TRHDE: variants seen among roughly 807,000 people sequenced by gnomAD.
TRHDE encodes the protein thyrotropin releasing hormone degrading enzyme, also known as thyrotropin-releasing hormone-degrading ectoenzyme.
In TRHDE, 72 loss-of-function variants were observed where a neutral mutation model predicts 125.7. The ratio of observed to expected loss-of-function variants is 0.57; its 90% CI spans 0.47 to 0.70. The LOEUF is 0.70. Among genes scored for constraint, TRHDE ranks in the 30% least tolerant of loss-of-function variants. The pLI is 0.00. For missense variants in TRHDE, 1,110 were observed against 1,327.1 expected (o/e 0.84, Z 2.54); for synonymous variants, 509 against 509.1 (o/e 1.00, Z 0.00).
At chr12:72,229,817 T>A (rs1164946964) in intron 2 of TRHDE, among the ~76,000 whole-genome samples, 1 of 152,084 alleles carries the variant, frequency 6.6e-6, no homozygotes, top group Non-Finnish European at 1.5e-5. Context: ...AGTGGAAAAC[T>A]CCCTAATGCA....
intron 2 of TRHDE, among the ~76,000 whole-genome samples, chr12:72,135,943 A>C (rs539019247): frequency 4.3e-4 from 65 of 151,772 alleles, no homozygotes; most frequent in African/African-American, 1.2e-3. Context: ...TTTTTCCTGG[A>C]GACATCTGCT....
intron 2 of TRHDE, among the ~76,000 whole-genome samples, chr12:72,289,366 A>T: frequency 6.6e-6 from 1 of 152,134 alleles, no homozygotes; most frequent in East Asian, 1.9e-4. Context: ...GCACTATTCT[A>T]AGTAATTAGA....
At chr12:72,649,193 A>G (rs886986891) in intron 15 of TRHDE, among the ~76,000 whole-genome samples, 2 of 152,100 alleles carry the variant, frequency 1.3e-5, no homozygotes, top group South Asian at 4.1e-4. Context: ...AAAGACCAAC[A>G]TATACACCAA....
At chr12:72,242,753 A>G (rs369483682) in intron 2 of TRHDE, among the ~76,000 whole-genome samples, 1 of 152,156 alleles carries the variant, frequency 6.6e-6, no homozygotes. Flanking sequence ...TCTGACTGGT[A>G]CTACTCACTC....
chr12:72,266,725 C>G (rs1307907536), intron 2 of TRHDE, among the ~76,000 whole-genome samples: 1 of 151,924 alleles, frequency 6.6e-6, no homozygotes, highest in Non-Finnish European at 1.5e-5. Context: ...TTTGGCTTAC[C>G]TTTCAGGAAG....
intron 2 of TRHDE, chr12:72,264,504 A>T (rs1259491990): frequency 5.9e-5 from 9 of 152,036 alleles, no homozygotes; most frequent in Admixed American, 5.9e-4. Context: ...AAGTTTAGTG[A>T]TGATCTTGTA....
At chr12:72,330,501 G>A (rs1869544520) in intron 2 of TRHDE, among the ~76,000 whole-genome samples, 1 of 152,198 alleles carries the variant, frequency 6.6e-6, no homozygotes, top group Admixed American at 6.5e-5. Context: ...CGATGGGAGA[G>A]CCTGTGGTCA....
intron 2 of TRHDE, among the ~76,000 whole-genome samples, chr12:72,303,912 T>G (rs1273902760): frequency 6.6e-6 from 1 of 152,142 alleles, no homozygotes; most frequent in Admixed American, 6.6e-5. Context: ...AGACTGTTAT[T>G]AAAACACAGT....
At chr12:72,408,146 A>G (rs115596576) in intron 3 of TRHDE, among the ~76,000 whole-genome samples, 86 of 152,342 alleles carry the variant, frequency 5.6e-4, no homozygotes, top group African/African-American at 2.0e-3. Flanking sequence ...ACCTACTTGC[A>G]TGATACTAGA....
At chr12:72,591,020 G>C (rs1871649160) in intron 12 of TRHDE, among the ~76,000 whole-genome samples, 1 of 152,212 alleles carries the variant, frequency 6.6e-6, no homozygotes, top group Non-Finnish European at 1.5e-5. Flanking sequence ...CATGGCTAGG[G>C]AAGCCTCACG....
At chr12:72,565,361 C>A (rs1378943307) in intron 9 of TRHDE, among the ~76,000 whole-genome samples, 3 of 151,996 alleles carry the variant, frequency 2.0e-5, no homozygotes, top group Non-Finnish European at 2.9e-5. Context: ...TTAAGAGAAT[C>A]CAGTAATTAT....
At chr12:72,535,573 A>G (rs1406267393) in intron 6 of TRHDE, among the ~76,000 whole-genome samples, 2 of 151,922 alleles carry the variant, frequency 1.3e-5, no homozygotes, top group Admixed American at 1.3e-4. Context: ...CCCTTGTTCT[A>G]TCCTCTCTTT....
chr12:72,200,217 T>A (rs762264707), intron 2 of TRHDE, among the ~76,000 whole-genome samples: 2 of 152,186 alleles, frequency 1.3e-5, no homozygotes, highest in Non-Finnish European at 2.9e-5. Flanking sequence ...CTGACATCTC[T>A]TGTAATTGAA....
intron 15 of TRHDE, among the ~76,000 whole-genome samples, chr12:72,638,131 G>A (rs1410865736): frequency 6.8e-6 from 1 of 146,514 alleles, no homozygotes; most frequent in Non-Finnish European, 1.5e-5. Context: ...ATTAATGTGT[G>A]GGAGTCTAAG....
At chr12:72,473,378 C>A (rs1876741234) in intron 5 of TRHDE, among the ~76,000 whole-genome samples, 198 bp downstream of exon 5, 1 of 152,062 alleles carries the variant, frequency 6.6e-6, no homozygotes, top group South Asian at 2.1e-4. Flanking sequence ...ATCTGATTTG[C>A]TATTCATTTG....
At chr12:72,314,631 A>T (rs1868711745) in intron 2 of TRHDE, among the ~76,000 whole-genome samples, 1 of 152,146 alleles carries the variant, frequency 6.6e-6, no homozygotes. Flanking sequence ...ATATATCTAC[A>T]GTTTGTAGTT....
At chr12:72,607,777 T>TG (rs1872507960) in intron 12 of TRHDE, among the ~76,000 whole-genome samples, 1 of 152,186 alleles carries the variant, frequency 6.6e-6, no homozygotes, top group South Asian at 2.1e-4. Context: ...TTAAATGTGT[T>TG]GCTATCGCTT....
intron 18 of TRHDE, among the ~76,000 whole-genome samples, chr12:72,661,454 A>G (rs1388680596): frequency 3.9e-5 from 6 of 152,162 alleles, no homozygotes; most frequent in Non-Finnish European, 8.8e-5. Context: ...CGATTGACCT[A>G]TAACATGTAA....
intron 6 of TRHDE, among the ~76,000 whole-genome samples, chr12:72,501,712 T>G (rs1878162777): frequency 6.6e-6 from 1 of 152,092 alleles, no homozygotes; most frequent in Non-Finnish European, 1.5e-5. Context: ...CAATGGAAAC[T>G]ATTATCTTTT....
Sources: gnomAD v4.1 joint callset for allele counts (sites outside exome capture counted in the v4.1 genomes callset) on GRCh38, gnomAD v4.1.1 for gene constraint, MANE v1.5 for transcripts, NCBI Gene and HGNC (gene_info 2026-07-23, HGNC 2026-07-21) for gene names.